The following KIAA1549L variants were observed in gnomAD, a reference collection of about 807,000 sequenced individuals.
KIAA1549L encodes the protein KIAA1549 like, also known as UPF0606 protein KIAA1549L.
Under a neutral mutation model 160.7 loss-of-function variants are expected in KIAA1549L, and 88 were observed. The observed-to-expected ratio is 0.55, with a 90% CI of 0.46 to 0.65. The LOEUF is 0.65. KIAA1549L is among the 30% of genes least tolerant of loss of function. The pLI is 0.00. For missense variants in KIAA1549L, 2,258 were observed against 2,437.5 expected (o/e 0.93, Z 1.55); for synonymous variants, 950 against 976.7 (o/e 0.97, Z 0.51).
chr11:33,435,791 T>G (rs1298057146), intron 1 of KIAA1549L, among the ~76,000 whole-genome samples: 1 of 10,838 alleles, frequency 9.2e-5, no homozygotes, highest in Non-Finnish European at 1.4e-4. Context: ...TATATATATA[T>G]ATATATATAT....
intron 1 of KIAA1549L, among the ~76,000 whole-genome samples, chr11:33,541,559 T>C (rs577050475): frequency 2.6e-4 from 39 of 152,346 alleles, no homozygotes; most frequent in Non-Finnish European, 5.0e-4. Context: ...CACAAGTATT[T>C]TCAACATCTT....
intron 4 of KIAA1549L, 78 bp downstream of exon 4, chr11:33,547,957 C>G: frequency 1.1e-6 from 1 of 945,282 alleles, no homozygotes; most frequent in Non-Finnish European, 1.7e-6. Context: ...GATTGTTTTC[C>G]TCCTTTCTAG....
rs548914874 is a variant in KIAA1549L, at chr11:33,473,359, A to G, written c.239-68443A>G. ...TGCTGAAGAAGCACCTAGGAGGGGCATCTGACCCAATCTTGGGCGAACAGG... is the reference window on the plus strand; with the variant it reads ...TGCTGAAGAAGCACCTAGGAGGGGCGTCTGACCCAATCTTGGGCGAACAGG... On this transcript the variant is annotated intron_variant, in intron 1 of 20. Coordinates refer to ENST00000658780, the MANE Select transcript of KIAA1549L (RefSeq NM_012194.3). Among the ~76,000 whole-genome samples, 8 of 152,312 alleles carry G rather than the reference A, an allele frequency of 5.3e-5. No individual in the cohort carries two copies. The South Asian group carries it at 1.4e-3, about 28-fold the overall frequency.
At chr11:33,384,641 T>C (rs1850136614) in intron 1 of KIAA1549L, among the ~76,000 whole-genome samples, 1 of 152,120 alleles carries the variant, frequency 6.6e-6, no homozygotes, top group African/African-American at 2.4e-5. Context: ...AATTTAGATG[T>C]CAGCCATTCT....
chr11:33,454,788 G>A (rs1851788271), intron 1 of KIAA1549L, among the ~76,000 whole-genome samples: 1 of 152,150 alleles, frequency 6.6e-6, no homozygotes, highest in South Asian at 2.1e-4. Context: ...TTCAAAATAA[G>A]TTTTAAAAAA....
chr11:33,635,074 T>A (rs1452798931), intron 16 of KIAA1549L, among the ~76,000 whole-genome samples: 1 of 152,200 alleles, frequency 6.6e-6, no homozygotes, highest in Admixed American at 6.5e-5. Context: ...TGCAGGCTTA[T>A]GGGAAACTGC....
chr11:33,408,787 A>C (rs1022887497), intron 1 of KIAA1549L, among the ~76,000 whole-genome samples: 3 of 149,600 alleles, frequency 2.0e-5, no homozygotes, highest in African/African-American at 7.3e-5. Context: ...AATACAAAAA[A>C]AAAAAAAAAA....
At chr11:33,437,403 G>A (rs1291009029) in intron 1 of KIAA1549L, among the ~76,000 whole-genome samples, 1 of 152,172 alleles carries the variant, frequency 6.6e-6, no homozygotes, top group Non-Finnish European at 1.5e-5. Context: ...TCACTGAGAG[G>A]CAGCTCTGAT....
At chr11:33,420,948 A>C (rs1457534022) in intron 1 of KIAA1549L, among the ~76,000 whole-genome samples, 1 of 152,164 alleles carries the variant, frequency 6.6e-6, no homozygotes, top group East Asian at 1.9e-4. Flanking sequence ...GAGGGTGACA[A>C]GGGTCCCTCC....
intron 9 of KIAA1549L, among the ~76,000 whole-genome samples, chr11:33,572,751 G>A (rs1210992387): frequency 6.6e-6 from 1 of 152,216 alleles, no homozygotes; most frequent in East Asian, 1.9e-4. Flanking sequence ...ATTAAGCAAG[G>A]CTGCTGTGAA....
chr11:33,430,031 C>CTTCCTTCCT (rs1851199672), intron 1 of KIAA1549L, among the ~76,000 whole-genome samples: 1 of 143,514 alleles, frequency 7.0e-6, no homozygotes, highest in African/African-American at 2.6e-5. Context: ...TCCTTCCTTC[C>CTTCCTTCCT]TTCCTTCCTT....
intron 20 of KIAA1549L, chr11:33,665,475 C>G (rs982758145): frequency 2.0e-5 from 3 of 152,314 alleles, no homozygotes; most frequent in Admixed American, 1.3e-4. Flanking sequence ...AAGCTCTCAG[C>G]AGGGAGGGTA....
intron 1 of KIAA1549L, among the ~76,000 whole-genome samples, chr11:33,449,011 A>G (rs1851670385): frequency 6.6e-6 from 1 of 152,192 alleles, no homozygotes; most frequent in Non-Finnish European, 1.5e-5. Flanking sequence ...CTCTGGGTTT[A>G]CAGGGGCAAT....
chr11:33,661,834 C>T (rs11032333), intron 20 of KIAA1549L, among the ~76,000 whole-genome samples: 6,601 of 141,842 alleles, frequency 0.047, 196 homozygotes, highest in Non-Finnish European at 0.067. Flanking sequence ...GAGCCAAGAT[C>T]GCGCCACTCC....
chr11:33,574,079 G>A (rs1266135185), intron 9 of KIAA1549L, among the ~76,000 whole-genome samples: 1 of 152,030 alleles, frequency 6.6e-6, no homozygotes, highest in East Asian at 1.9e-4. Context: ...AAGAATGGAA[G>A]CAAATACTCT....
At chr11:33,663,861 G>C (rs922246194) in intron 20 of KIAA1549L, among the ~76,000 whole-genome samples, 1 of 152,192 alleles carries the variant, frequency 6.6e-6, no homozygotes, top group Non-Finnish European at 1.5e-5. Context: ...AGCAATAACT[G>C]TTACGCTGGA....
At chr11:33,644,913 A>C (rs1851675105) in intron 16 of KIAA1549L, among the ~76,000 whole-genome samples, 2 of 152,262 alleles carry the variant, frequency 1.3e-5, no homozygotes, top group Non-Finnish European at 2.9e-5. Context: ...GAAAGCAGAC[A>C]CTTACGAAGC....
intron 16 of KIAA1549L, among the ~76,000 whole-genome samples, chr11:33,634,123 A>G (rs1423389010): frequency 9.9e-6 from 1 of 100,906 alleles, no homozygotes; most frequent in Admixed American, 1.0e-4. Flanking sequence ...GCTCACTGCA[A>G]CTTCTGCCTC....
intron 1 of KIAA1549L, among the ~76,000 whole-genome samples, chr11:33,524,505 C>T (rs956592923): frequency 6.1e-5 from 5 of 81,998 alleles, no homozygotes; most frequent in East Asian, 6.1e-4. Context: ...TTTTTTGAGG[C>T]GAGAGGAATT....
Sources: gnomAD v4.1 joint callset for allele counts (sites outside exome capture counted in the v4.1 genomes callset) on GRCh38, gnomAD v4.1.1 for gene constraint, MANE v1.5 for transcripts, NCBI Gene and HGNC (gene_info 2026-07-23, HGNC 2026-07-21) for gene names.